Variants in AGBL4 observed in about 807,000 individuals in gnomAD.
The protein encoded by AGBL4 is cytosolic carboxypeptidase 6.
A neutral mutation model predicts 66.4 loss-of-function variants in AGBL4; 58 were observed. The ratio of observed to expected loss-of-function variants is 0.87; its 90% CI spans 0.71 to 1.09. The LOEUF is 1.09. Ranked by LOEUF, AGBL4 falls within the 50% of genes least tolerant of loss-of-function variation. The probability of loss-of-function intolerance (pLI) is 0.00; values close to 1 mark genes in which losing one functional copy is unlikely to be tolerated. For missense variants in AGBL4, 579 were observed against 631.0 expected (o/e 0.92, Z 0.88); for synonymous variants, 234 against 222.9 (o/e 1.05, Z -0.44).
intron 3 of AGBL4, among the ~76,000 whole-genome samples, chr1:49,477,764 G>C (rs1423901983): frequency 6.6e-6 from 1 of 151,920 alleles, no homozygotes; most frequent in Non-Finnish European, 1.5e-5. Flanking sequence ...TGACCTTTCA[G>C]ACAGAGAATT....
At chr1:49,340,134 C>T (rs771241098) in intron 3 of AGBL4, among the ~76,000 whole-genome samples, 1 of 151,446 alleles carries the variant, frequency 6.6e-6, no homozygotes, top group Non-Finnish European at 1.5e-5. Flanking sequence ...CTGCCCTCTG[C>T]TCCCATATCT....
chr1:49,692,890 A>G (rs147960273), intron 3 of AGBL4, among the ~76,000 whole-genome samples: 95 of 152,298 alleles, frequency 6.2e-4, no homozygotes, highest in African/African-American at 2.2e-3. Context: ...CTCCTATTAC[A>G]TACATCAGAC....
chr1:48,820,335 T>C (rs1186507989), intron 6 of AGBL4, among the ~76,000 whole-genome samples: 1 of 152,170 alleles, frequency 6.6e-6, no homozygotes, highest in Non-Finnish European at 1.5e-5. Flanking sequence ...GATGGTTAAT[T>C]TTATGTGTCA....
At chr1:49,832,265 C>T (rs867359574) in intron 2 of AGBL4, among the ~76,000 whole-genome samples, 4 of 150,260 alleles carry the variant, frequency 2.7e-5, no homozygotes, top group East Asian at 2.0e-4. Context: ...TTTGTTCTTG[C>T]GATAGTTTAC....
At chr1:49,659,656 G>A (rs1646228947) in intron 3 of AGBL4, among the ~76,000 whole-genome samples, 1 of 152,100 alleles carries the variant, frequency 6.6e-6, no homozygotes, top group Non-Finnish European at 1.5e-5. Context: ...GACCTACAAA[G>A]AGACTTAGAC....
chr1:48,967,023 A>AT (rs59078407), intron 5 of AGBL4, among the ~76,000 whole-genome samples: 3,172 of 147,080 alleles, frequency 0.022, 120 homozygotes, highest in African/African-American at 0.073. Flanking sequence ...TTCGGTTTAC[A>AT]TTTTTTTTTT....
intron 3 of AGBL4, among the ~76,000 whole-genome samples, chr1:49,417,501 G>T (rs1645452698): frequency 6.6e-6 from 1 of 152,106 alleles, no homozygotes; most frequent in South Asian, 2.1e-4. Context: ...TAGTTGATTA[G>T]GATAAACTGG....
intron 4 of AGBL4, among the ~76,000 whole-genome samples, chr1:49,077,671 T>C (rs1644736357): frequency 6.6e-6 from 1 of 152,198 alleles, no homozygotes; most frequent in Admixed American, 6.5e-5. Context: ...AGTCAAGTTA[T>C]TTCTTTCAAA....
intron 3 of AGBL4, among the ~76,000 whole-genome samples, chr1:49,320,647 T>A (rs1036853640): frequency 6.6e-6 from 1 of 152,174 alleles, no homozygotes; most frequent in African/African-American, 2.4e-5. Flanking sequence ...TTCAATAAAC[T>A]GAGAGACACC....
intron 3 of AGBL4, among the ~76,000 whole-genome samples, chr1:49,476,056 T>C (rs1646838860): frequency 1.3e-5 from 2 of 151,950 alleles, no homozygotes; most frequent in Admixed American, 6.6e-5. Flanking sequence ...GTGCTTAGCA[T>C]TGTAATCTTT....
chr1:49,084,417 C>T (rs1284102728), intron 4 of AGBL4, among the ~76,000 whole-genome samples: 1 of 152,202 alleles, frequency 6.6e-6, no homozygotes, highest in Non-Finnish European at 1.5e-5. Context: ...GCGGAGTCCT[C>T]ATGATCATGG....
chr1:49,163,888 C>T (rs1646585004), intron 4 of AGBL4, among the ~76,000 whole-genome samples: 2 of 151,932 alleles, frequency 1.3e-5, no homozygotes, highest in African/African-American at 4.8e-5. Context: ...ATGGATTAAC[C>T]CGAGCAAAAG....
In AGBL4 at chr1:49,862,430, C is replaced by A. The variant is rs559538052; in HGVS notation, c.35-10912G>T. Reference sequence around the variant, plus strand: ...AAATAGCAAATTTAAGAGATAATGGCCTTAAAGAGGAAGTAGAGAAAGAAG... The same window carrying A: ...AAATAGCAAATTTAAGAGATAATGGACTTAAAGAGGAAGTAGAGAAAGAAG... On this transcript the variant is annotated intron_variant, in intron 1 of 13. Coordinates refer to ENST00000371839, the MANE Select transcript of AGBL4 (RefSeq NM_032785.4). Among the ~76,000 whole-genome samples, 4 of 150,442 alleles carry A rather than the reference C, an allele frequency of 2.7e-5. No homozygotes were observed. The East Asian group carries it at 7.8e-4, about 29-fold the overall frequency.
intron 2 of AGBL4, among the ~76,000 whole-genome samples, chr1:49,721,891 A>G: frequency 6.6e-6 from 1 of 152,316 alleles, no homozygotes; most frequent in Middle Eastern, 3.4e-3. Flanking sequence ...AAAAACAGTA[A>G]TACAGAAATT....
intron 3 of AGBL4, among the ~76,000 whole-genome samples, chr1:49,312,844 G>A (rs1046757169): frequency 1.2e-4 from 19 of 152,014 alleles, no homozygotes; most frequent in African/African-American, 2.4e-4. Flanking sequence ...GTGAAGATGC[G>A]GAGCAATAGG....
chr1:48,844,126 G>C (rs1010030144), intron 6 of AGBL4, among the ~76,000 whole-genome samples: 1 of 152,230 alleles, frequency 6.6e-6, no homozygotes, highest in African/African-American at 2.4e-5. Context: ...TGAATTCTGT[G>C]CTCTGGCACC....
intron 3 of AGBL4, among the ~76,000 whole-genome samples, chr1:49,293,433 A>C (rs898393014): frequency 6.6e-6 from 1 of 152,202 alleles, no homozygotes; most frequent in African/African-American, 2.4e-5. Context: ...GGCCAGAAAA[A>C]CAACAACCCA....
chr1:49,294,499 G>C (rs1269515060), intron 3 of AGBL4, among the ~76,000 whole-genome samples: 2 of 152,178 alleles, frequency 1.3e-5, no homozygotes, highest in Admixed American at 1.3e-4. Context: ...TTCAACATCA[G>C]CTAAGTCTTC....
At chr1:48,831,388 C>G (rs1434123664) in intron 6 of AGBL4, among the ~76,000 whole-genome samples, 1 of 152,126 alleles carries the variant, frequency 6.6e-6, no homozygotes, top group Non-Finnish European at 1.5e-5. Context: ...TGCAAAATCC[C>G]AAGTGCTACA....
Sources: allele counts gnomAD v4.1 joint callset (sites outside exome capture counted in the v4.1 genomes callset), GRCh38; gene constraint gnomAD v4.1.1; transcripts MANE v1.5; gene names NCBI Gene and HGNC (gene_info 2026-07-23, HGNC 2026-07-21).